NAALADL2: variants seen among roughly 807,000 people sequenced by gnomAD.
NAALADL2 encodes the protein N-acetylated alpha-linked acidic dipeptidase like 2, also known as inactive N-acetylated-alpha-linked acidic dipeptidase-like protein 2.
Under a neutral mutation model 87.2 loss-of-function variants are expected in NAALADL2, and 76 were observed. That is an observed-to-expected ratio of 0.87 (90% CI 0.72 to 1.05). The LOEUF (loss-of-function observed/expected upper bound fraction) is 1.05, where lower values mean the gene tolerates loss of function less well. Ranked by LOEUF, NAALADL2 falls within the 50% of genes least tolerant of loss-of-function variation. The pLI, the probability that NAALADL2 is intolerant of heterozygous loss-of-function variation, is 0.00. For synonymous variants in NAALADL2, 354 were observed against 331.0 expected (o/e 1.07, Z -0.75); for missense variants, 1,089 against 945.8 (o/e 1.15, Z -1.99).
intron 2 of NAALADL2, among the ~76,000 whole-genome samples, chr3:174,557,885 G>A: frequency 6.6e-6 from 1 of 152,136 alleles, no homozygotes. Flanking sequence ...CCTTCTAGCG[G>A]AGTCAAACAG....
Position 175,145,479 on chromosome 3 carries a change from C to T in NAALADL2, c.545+48188C>T, listed in dbSNP as rs184857079. Among the ~76,000 whole-genome samples the T allele has an allele frequency of 2.8e-3, 426 of 152,160 alleles. 1 individual carries two copies. Among genetic ancestry groups the T allele is most frequent in the African/African-American group, 9.0e-3 (375 of 41,550 alleles). On this transcript the variant is annotated intron_variant, in intron 2 of 13. Transcript: ENST00000454872. ...GTTTTCTATATTTCTATTGGCTTGACGAGCAATGGATGAAACTTATCGGAA... is the reference window on the plus strand; with the variant it reads ...GTTTTCTATATTTCTATTGGCTTGATGAGCAATGGATGAAACTTATCGGAA...
At chr3:174,948,343 A>C (rs536481167) in intron 1 of NAALADL2, among the ~76,000 whole-genome samples, 1 of 152,088 alleles carries the variant, frequency 6.6e-6, no homozygotes, top group Non-Finnish European at 1.5e-5. Flanking sequence ...AACCCGGCTA[A>C]TTTTTGTAAT....
intron 2 of NAALADL2, among the ~76,000 whole-genome samples, chr3:174,604,356 A>G (rs1718762113): frequency 6.6e-6 from 1 of 151,456 alleles, no homozygotes; most frequent in South Asian, 2.1e-4. Context: ...CTTGAAATCT[A>G]TTTTTTCTGA....
At chr3:174,551,499 T>C (rs1712125395) in intron 2 of NAALADL2, 3 of 152,222 alleles carry the variant, frequency 2.0e-5, no homozygotes, top group Admixed American at 2.0e-4. Context: ...ATATAGTTGT[T>C]AGAATGTTAG....
intron 1 of NAALADL2, among the ~76,000 whole-genome samples, chr3:174,450,686 A>G (rs1385756916): frequency 2.0e-5 from 3 of 152,026 alleles, no homozygotes; most frequent in South Asian, 2.1e-4. Flanking sequence ...CCTGGCCAAC[A>G]TGGTGAAACC....
chr3:175,753,668 A>C (rs892280219), intron 12 of NAALADL2, among the ~76,000 whole-genome samples: 1 of 152,190 alleles, frequency 6.6e-6, no homozygotes, highest in African/African-American at 2.4e-5. Context: ...AGCATATTGA[A>C]ATGAAGATTC....
intron 11 of NAALADL2, among the ~76,000 whole-genome samples, chr3:175,717,424 G>A (rs1741462334): frequency 6.6e-6 from 1 of 151,978 alleles, no homozygotes; most frequent in African/African-American, 2.4e-5. Flanking sequence ...TAGTATGATG[G>A]CTCACACCTG....
At chr3:174,890,529 T>C (rs1050633846) in intron 1 of NAALADL2, among the ~76,000 whole-genome samples, 8 of 152,100 alleles carry the variant, frequency 5.3e-5, no homozygotes, top group African/African-American at 1.9e-4. Flanking sequence ...ACATAAGAAA[T>C]ACAGACAGAA....
At chr3:175,262,283 A>G (rs1751164545) in intron 4 of NAALADL2, among the ~76,000 whole-genome samples, 1 of 152,140 alleles carries the variant, frequency 6.6e-6, no homozygotes, top group Non-Finnish European at 1.5e-5. Context: ...ATATTTGCTG[A>G]ACTAAAAGTT....
Position 174,444,024 on chromosome 3 carries a change from G to A in NAALADL2, c.-184+2992G>A, listed in dbSNP as rs182366699. 5.5e-4 allele frequency among the ~76,000 whole-genome samples: 79 copies of A among 144,870 alleles called. 3 individuals carry two copies. The highest frequency in any genetic ancestry group is 1.9e-3 in the African/African-American group (78 of 40,974). On this transcript the variant is annotated intron_variant, in intron 1 of 3. Coordinates refer to the NAALADL2 transcript ENST00000434257. ...TGAATATTTTTATTGAAAAGGGAGG[G>A]AGGAAATGGAGCGTTAGTTGTAGGA...
chr3:175,486,050 C>T (rs1281681653), intron 9 of NAALADL2, among the ~76,000 whole-genome samples: 1 of 152,058 alleles, frequency 6.6e-6, no homozygotes, highest in Non-Finnish European at 1.5e-5. Context: ...ACATTGGTTG[C>T]TCAATCTGCC....
chr3:175,184,829 A>G lies in NAALADL2; in HGVS notation c.546-49102A>G, dbSNP rs547312123. Among the ~76,000 whole-genome samples the G allele has an allele frequency of 2.2e-4, 33 of 152,248 alleles. No individual in the cohort carries two copies. In the South Asian group the frequency reaches 3.7e-3, roughly 17 times the overall value. On this transcript the variant is annotated intron_variant, in intron 2 of 13. Coordinates refer to ENST00000454872, the MANE Select transcript of NAALADL2 (RefSeq NM_207015.3). ...TTTGAATTTTCTCTTGAACAAGGCAAGGATAACACCTTCATTGCCAAACTT... is the reference window on the plus strand; with the variant it reads ...TTTGAATTTTCTCTTGAACAAGGCAGGGATAACACCTTCATTGCCAAACTT...
At chr3:175,395,622 A>C (rs10936848) in intron 5 of NAALADL2, among the ~76,000 whole-genome samples, 1 of 152,176 alleles carries the variant, frequency 6.6e-6, no homozygotes, top group Non-Finnish European at 1.5e-5. Flanking sequence ...ATATGACCAC[A>C]TGCCTGGAAT....
intron 3 of NAALADL2, among the ~76,000 whole-genome samples, chr3:174,744,870 G>A (rs1302428977): frequency 1.3e-5 from 2 of 152,004 alleles, no homozygotes; most frequent in Admixed American, 6.6e-5. Context: ...TGAAATTAAG[G>A]CAGAAATAAA....
rs531426453 is a variant in NAALADL2, at chr3:175,075,293, C to A, written c.44-21497C>A. ...AGAAACTTAGAATTTTTATGTTATA[C>A]TTATTGTAAGATCTCTTTTAGTCTG... On this transcript the variant is annotated intron_variant, in intron 1 of 13. Transcript: ENST00000454872. 9.2e-5 allele frequency among the ~76,000 whole-genome samples: 14 copies of A among 152,172 alleles called. No homozygotes were observed. The East Asian group carries it at 2.5e-3, about 27-fold the overall frequency.
At chr3:174,765,890 C>A (rs1578842120) in intron 3 of NAALADL2, among the ~76,000 whole-genome samples, 1 of 152,134 alleles carries the variant, frequency 6.6e-6, no homozygotes, top group African/African-American at 2.4e-5. Flanking sequence ...CAAGAAAGTC[C>A]ACTTAGTACT....
intron 9 of NAALADL2, among the ~76,000 whole-genome samples, chr3:175,484,664 T>C (rs1726993262): frequency 6.6e-6 from 1 of 152,164 alleles, no homozygotes; most frequent in Non-Finnish European, 1.5e-5. Flanking sequence ...TTATATAAAT[T>C]GATTTAGTGT....
chr3:174,558,428 CTCA>C (rs1295696274), intron 2 of NAALADL2, among the ~76,000 whole-genome samples: 1 of 152,052 alleles, frequency 6.6e-6, no homozygotes, highest in Non-Finnish European at 1.5e-5. Context: ...AATTTTACAA[CTCA>C]TCATAATGTA....
At chr3:175,476,013 G>A (rs1414080487) in intron 9 of NAALADL2, among the ~76,000 whole-genome samples, 9 of 152,160 alleles carry the variant, frequency 5.9e-5, no homozygotes, top group African/African-American at 2.2e-4. Flanking sequence ...ATGAGCCACT[G>A]CACCCAGCCA....
Sources: gnomAD v4.1 joint callset for allele counts (sites outside exome capture counted in the v4.1 genomes callset) on GRCh38, gnomAD v4.1.1 for gene constraint, MANE v1.5 for transcripts, NCBI Gene and HGNC (gene_info 2026-07-23, HGNC 2026-07-21) for gene names.